The following SNTG1 variants were observed in gnomAD, a reference collection of about 807,000 sequenced individuals.
SNTG1 encodes the protein syntrophin gamma 1.
A neutral mutation model predicts 74.7 loss-of-function variants in SNTG1; 39 were observed. The ratio of observed to expected loss-of-function variants is 0.52; its 90% CI spans 0.40 to 0.68. SNTG1 has a LOEUF of 0.68. SNTG1 is among the 30% of genes least tolerant of loss of function. SNTG1 has a pLI of 0.00. For missense variants in SNTG1, 685 were observed against 609.5 expected (o/e 1.12, Z -1.30); for synonymous variants, 254 against 217.1 (o/e 1.17, Z -1.49).
intron 15 of SNTG1, among the ~76,000 whole-genome samples, chr8:50,703,679 A>G (rs1316507007): frequency 6.6e-6 from 1 of 152,098 alleles, no homozygotes; most frequent in Non-Finnish European, 1.5e-5. Flanking sequence ...ATACATCATA[A>G]TCGTATGTGC....
intron 13 of SNTG1, among the ~76,000 whole-genome samples, chr8:50,655,653 T>C (rs2095175490): frequency 6.6e-6 from 1 of 152,184 alleles, no homozygotes; most frequent in South Asian, 2.1e-4. Flanking sequence ...AGATGGTGAA[T>C]AATCCAATTA....
chr8:50,764,781 A>T (rs11783089), intron 18 of SNTG1, among the ~76,000 whole-genome samples: 33,555 of 151,862 alleles, frequency 0.22, 3,873 homozygotes, highest in South Asian at 0.33. Context: ...TTCTGAGTAT[A>T]TATGCAAATG....
rs543163806 is a variant in SNTG1, at chr8:50,120,224, C to A, written c.-102-52337C>A. Among the ~76,000 whole-genome samples, 2 of 141,004 alleles carry A rather than the reference C, an allele frequency of 1.4e-5. 1 individual carries two copies. Among genetic ancestry groups the A allele is most frequent in the Admixed American group, 1.5e-4 (2 of 13,586 alleles). 92.5% of individuals were successfully genotyped at this position (141,004 alleles called of 152,430 possible). A position where few individuals can be genotyped will look rare whatever the true frequency, so the allele number is the denominator to read the frequency against. ...TGTAAGCACTCTGAATAATGCCTGACCCTTAGAAAACACTTAAGAAAAAGT... is the reference window on the plus strand; with the variant it reads ...TGTAAGCACTCTGAATAATGCCTGAACCTTAGAAAACACTTAAGAAAAAGT... On this transcript the variant is annotated intron_variant, in intron 1 of 18. Transcript: ENST00000642720.
intron 1 of SNTG1, among the ~76,000 whole-genome samples, chr8:49,925,912 A>G (rs1176671873): frequency 1.3e-5 from 2 of 152,210 alleles, no homozygotes; most frequent in African/African-American, 2.4e-5. Flanking sequence ...AGTAATTGTT[A>G]TTCAGTAATA....
intron 1 of SNTG1, among the ~76,000 whole-genome samples, chr8:49,973,419 C>T (rs562979660): frequency 1.7e-4 from 26 of 151,572 alleles, no homozygotes; most frequent in African/African-American, 2.4e-4. Context: ...TGTTAAATGA[C>T]GAGTTAATGG....
chr8:50,375,610 T>C (rs1048652158), intron 2 of SNTG1, among the ~76,000 whole-genome samples: 3 of 152,206 alleles, frequency 2.0e-5, no homozygotes, highest in Non-Finnish European at 4.4e-5. Flanking sequence ...CTGTGCTTGT[T>C]TGGGGATATT....
intron 17 of SNTG1, among the ~76,000 whole-genome samples, chr8:50,732,711 G>T (rs1334085543): frequency 6.6e-6 from 1 of 151,410 alleles, no homozygotes; most frequent in African/African-American, 2.4e-5. Flanking sequence ...CATCAACAAT[G>T]TTATGTAAAT....
chr8:50,780,841 A>G (rs2095657138), intron 18 of SNTG1, among the ~76,000 whole-genome samples: 1 of 152,294 alleles, frequency 6.6e-6, no homozygotes, highest in African/African-American at 2.4e-5. Context: ...GTGGGCATTT[A>G]ATGCTATAAA....
intron 11 of SNTG1, among the ~76,000 whole-genome samples, chr8:50,549,505 T>G (rs1212463429): frequency 1.3e-5 from 2 of 152,186 alleles, no homozygotes; most frequent in African/African-American, 4.8e-5. Context: ...TTTTTCCATA[T>G]CCTTCACCCC....
chr8:50,043,620 C>T lies in SNTG1; in HGVS notation c.-102-128941C>T, dbSNP rs1013195112. 6.6e-5 allele frequency among the ~76,000 whole-genome samples: 10 copies of T among 152,238 alleles called. No homozygotes were observed. The East Asian group carries it at 1.9e-3, about 29-fold the overall frequency. On this transcript the variant is annotated intron_variant, in intron 1 of 18. Transcript: ENST00000642720. The stretch of plus-strand genomic sequence containing the variant: ...CTATGCGTTCCTGCAATTAAGGGAC[C>T]CAGTGGACAGATGTTTGACTCGCAC...
At chr8:50,093,111 T>C (rs926382604) in intron 1 of SNTG1, among the ~76,000 whole-genome samples, 1 of 152,098 alleles carries the variant, frequency 6.6e-6, no homozygotes, top group Non-Finnish European at 1.5e-5. Context: ...GATTCATATG[T>C]GGGTGGACAG....
chr8:50,614,264 C>T (rs191190772), intron 13 of SNTG1, among the ~76,000 whole-genome samples: 144 of 152,018 alleles, frequency 9.5e-4, no homozygotes, highest in African/African-American at 3.4e-3. Context: ...TAAATTGTAA[C>T]TCAATTATAT....
intron 1 of SNTG1, among the ~76,000 whole-genome samples, chr8:49,991,728 C>A (rs543668000): frequency 6.6e-6 from 1 of 152,170 alleles, no homozygotes; most frequent in South Asian, 2.1e-4. Flanking sequence ...TGTTGTGATT[C>A]CATTTATATA....
intron 1 of SNTG1, among the ~76,000 whole-genome samples, chr8:50,055,697 C>G (rs1322254188): frequency 6.6e-6 from 1 of 152,060 alleles, no homozygotes; most frequent in Non-Finnish European, 1.5e-5. Context: ...CATCTTTTCT[C>G]AGTACCTCTC....
chr8:50,741,588 C>A (rs141524972), intron 17 of SNTG1, among the ~76,000 whole-genome samples: 3,803 of 152,094 alleles, frequency 0.025, 63 homozygotes, highest in Middle Eastern at 0.041. Flanking sequence ...ATATTTAGAG[C>A]AGTTTTATTC....
At chr8:50,338,138 AAAAT>A (rs2091210408) in intron 2 of SNTG1, among the ~76,000 whole-genome samples, 2 of 151,914 alleles carry the variant, frequency 1.3e-5, no homozygotes, top group South Asian at 4.1e-4. Flanking sequence ...TGTCTCAAAA[AAAAT>A]AAATAAATAA....
chr8:50,037,289 A>G (rs1818248003), intron 1 of SNTG1, among the ~76,000 whole-genome samples: 1 of 152,184 alleles, frequency 6.6e-6, no homozygotes, highest in Non-Finnish European at 1.5e-5. Flanking sequence ...GTGCTTCTCA[A>G]CCTTTATCAG....
chr8:49,994,020 G>A (rs538859597), intron 1 of SNTG1, among the ~76,000 whole-genome samples: 188 of 152,032 alleles, frequency 1.2e-3, no homozygotes, highest in African/African-American at 4.4e-3. Flanking sequence ...AGTCCCTCAG[G>A]ATATCCATTA....
Position 50,658,599 on chromosome 8 carries a change from C to G in SNTG1, c.974C>G (p.Thr325Ser). ...LYKFLAPPVT[T>S]WDWTRAEKTF... ...TTTTCTTATCTTTTAAAGGTGACCA[C>G]CTGGGACTGGACGAGAGCAGAGAAA... Residue 325 changes from threonine to serine, a missense_variant, in exon 15 of 19, where the codon ACC becomes AGC. Transcript: ENST00000642720. 3 of 1,605,310 alleles carry G rather than the reference C, an allele frequency of 1.9e-6. No homozygotes were observed. Among genetic ancestry groups the G allele is most frequent in the Non-Finnish European group, 1.7e-6 (2 of 1,173,936 alleles).
Sources: allele counts gnomAD v4.1 joint callset (sites outside exome capture counted in the v4.1 genomes callset), GRCh38; gene constraint gnomAD v4.1.1; transcripts MANE v1.5; gene names NCBI Gene and HGNC (gene_info 2026-07-23, HGNC 2026-07-21).